Variants in OTUD3 observed in about 807,000 individuals in gnomAD.
OTUD3 encodes the protein OTU domain-containing protein 3.
Under a neutral mutation model 46.2 loss-of-function variants are expected in OTUD3, and 24 were observed. The observed-to-expected ratio is 0.52, with a 90% CI of 0.38 to 0.73. The LOEUF is 0.73. Ranked by LOEUF, OTUD3 falls within the 30% of genes least tolerant of loss-of-function variation. The pLI, the probability that OTUD3 is intolerant of heterozygous loss-of-function variation, is 0.00. For missense variants in OTUD3, 455 were observed against 523.3 expected (o/e 0.87, Z 1.27); for synonymous variants, 189 against 195.4 (o/e 0.97, Z 0.27).
At chr1:19,901,223 T>A (rs1205894459) in intron 4 of OTUD3, among the ~76,000 whole-genome samples, 2 of 152,204 alleles carry the variant, frequency 1.3e-5, no homozygotes, top group African/African-American at 4.8e-5. Context: ...TTGAGTTTTT[T>A]AAAATTGGAA....
At chr1:19,895,984 T>G (rs1226325514) in intron 3 of OTUD3, among the ~76,000 whole-genome samples, 1 of 152,206 alleles carries the variant, frequency 6.6e-6, no homozygotes, top group African/African-American at 2.4e-5. Flanking sequence ...AGGTAAATTT[T>G]TTTTTGAATT....
intron 2 of OTUD3, among the ~76,000 whole-genome samples, chr1:19,892,557 A>G (rs1247538415): frequency 6.6e-6 from 1 of 152,174 alleles, no homozygotes; most frequent in Non-Finnish European, 1.5e-5. Context: ...GCTTCAGAGA[A>G]TCAGCAACAT....
chr1:19,893,615 A>G (rs576201509), intron 2 of OTUD3, among the ~76,000 whole-genome samples: 1 of 152,292 alleles, frequency 6.6e-6, no homozygotes, highest in Admixed American at 6.5e-5. Context: ...TCACCACCAC[A>G]AAGGTCTGAT....
In OTUD3 at chr1:19,908,179, TTTCA is replaced by T. The variant is rs2045689026; in HGVS notation, c.*437_*440del. ...GAATGACAAGTTTCCTTAGTTTCTC[TTTCA>T]TTCTCAAACAGATATATAGGGTAGC... On this transcript the variant is annotated 3_prime_UTR_variant, in exon 8 of 8. Coordinates refer to ENST00000375120, the MANE Select transcript of OTUD3 (RefSeq NM_015207.2). 1 of 154,422 alleles carries T rather than the reference TTTCA, an allele frequency of 6.5e-6. No homozygotes were observed. Among genetic ancestry groups the T allele is most frequent in the Non-Finnish European group, 1.4e-5 (1 of 69,460 alleles). The allele number at this position is 154,422 out of a possible 1,614,324, so 9.6% of individuals were successfully genotyped here.
At position 19,892,523 on chromosome 1, in the gene OTUD3, A is replaced by T. The variant is rs529952123; in HGVS notation, c.371-1845A>T. 2.0e-4 allele frequency among the ~76,000 whole-genome samples: 31 copies of T among 152,172 alleles called. No homozygotes were observed. The South Asian group carries it at 6.0e-3, about 30-fold the overall frequency. On this transcript the variant is annotated intron_variant, in intron 2 of 7. Transcript: ENST00000375120. ...CCTTGCATCTGGCTGTATCTTTAGG[A>T]TTATTCTTTTCTTTTAGACTGTGGC...
At chr1:19,898,655 G>C (rs909007571) in intron 4 of OTUD3, among the ~76,000 whole-genome samples, 5 of 151,478 alleles carry the variant, frequency 3.3e-5, no homozygotes, top group African/African-American at 4.9e-5. Context: ...TTGTACCTGG[G>C]AGGTGGAGGT....
chr1:19,899,904 C>T (rs1438439441), intron 4 of OTUD3, among the ~76,000 whole-genome samples: 5 of 151,156 alleles, frequency 3.3e-5, no homozygotes, highest in Non-Finnish European at 4.4e-5. Context: ...TTTTCTTTCT[C>T]CATTTTTTTC....
chr1:19,898,474 A>T (rs1225735645), intron 4 of OTUD3, among the ~76,000 whole-genome samples: 1 of 151,834 alleles, frequency 6.6e-6, no homozygotes, highest in Non-Finnish European at 1.5e-5. Context: ...CACACCTGTA[A>T]TCCCAGCACT....
At chr1:19,897,737 A>G (rs1370757696) in intron 4 of OTUD3, 75 bp downstream of exon 4, 17 of 1,404,368 alleles carry the variant, frequency 1.2e-5, no homozygotes, top group Non-Finnish European at 1.6e-5. Context: ...ATCTGGCGCT[A>G]AAAACCAGTA....
chr1:19,890,300 TG>T, intron 1 of OTUD3, 84 bp from the exon 2 acceptor site: 1 of 1,331,070 alleles, frequency 7.5e-7, no homozygotes, highest in Non-Finnish European at 1.1e-6. Flanking sequence ...AATATTTCCA[TG>T]GATGATCTGG....
Position 19,882,457 on chromosome 1 carries a change from G to A in OTUD3, c.-57G>A. ...TTTTACCTTCCCAACGCTTGAGGCG[G>A]ACGCTGGGGGGTCCTGCGCCTTTCC... On this transcript the variant is annotated 5_prime_UTR_variant, in exon 1 of 8. Coordinates refer to ENST00000375120, the MANE Select transcript of OTUD3 (RefSeq NM_015207.2). The A allele has an allele frequency of 7.6e-7, 1 of 1,323,492 alleles. No homozygotes were observed. Among genetic ancestry groups the A allele is most frequent in the Non-Finnish European group, 9.6e-7 (1 of 1,042,000 alleles). 82.0% of individuals were successfully genotyped at this position (1,323,492 alleles called of 1,614,324 possible).
At chr1:19,895,531 C>T (rs1451600449) in intron 3 of OTUD3, among the ~76,000 whole-genome samples, 1 of 152,148 alleles carries the variant, frequency 6.6e-6, no homozygotes, top group Non-Finnish European at 1.5e-5. Flanking sequence ...AAGAATGCAG[C>T]CTTTTGTCCC....
chr1:19,897,411 A>C, intron 3 of OTUD3, 129 bp from the exon 4 acceptor site: 1 of 797,550 alleles, frequency 1.3e-6, no homozygotes, highest in Non-Finnish European at 2.0e-6. Flanking sequence ...GACATATCCC[A>C]GGTGTGTTCC....
intron 4 of OTUD3, among the ~76,000 whole-genome samples, chr1:19,903,971 C>CT (rs1253417498): frequency 5.3e-5 from 8 of 152,198 alleles, no homozygotes; most frequent in Non-Finnish European, 4.4e-5. Flanking sequence ...TGACTGTGTG[C>CT]TGTCAGAGGC....
At chr1:19,903,892 A>G (rs1262703542) in intron 4 of OTUD3, among the ~76,000 whole-genome samples, 1 of 152,232 alleles carries the variant, frequency 6.6e-6, no homozygotes, top group Non-Finnish European at 1.5e-5. Context: ...TTTTTGTGCA[A>G]AAGTTCACCA....
chr1:19,900,232 C>T (rs2045567969), intron 4 of OTUD3, among the ~76,000 whole-genome samples: 1 of 152,038 alleles, frequency 6.6e-6, no homozygotes, highest in Non-Finnish European at 1.5e-5. Flanking sequence ...GAGACTGGGT[C>T]TCACTCTGTC....
intron 4 of OTUD3, among the ~76,000 whole-genome samples, chr1:19,899,029 T>A (rs1266592600): frequency 1.3e-5 from 2 of 152,156 alleles, no homozygotes; most frequent in African/African-American, 4.8e-5. Context: ...CAGGCTGCCC[T>A]CCAGCTCCTG....
At chr1:19,888,619 A>G (rs1279893840) in intron 1 of OTUD3, among the ~76,000 whole-genome samples, 3 of 152,174 alleles carry the variant, frequency 2.0e-5, no homozygotes, top group South Asian at 2.1e-4. Flanking sequence ...GAGCCACGTT[A>G]TTTGGACTTG....
chr1:19,886,609 T>A (rs1191536718), intron 1 of OTUD3, among the ~76,000 whole-genome samples: 2 of 152,166 alleles, frequency 1.3e-5, no homozygotes, highest in Non-Finnish European at 2.9e-5. Context: ...TTATTGATGT[T>A]TTTTAAAAAA....
Sources: gnomAD v4.1 joint callset for allele counts (sites outside exome capture counted in the v4.1 genomes callset) on GRCh38, gnomAD v4.1.1 for gene constraint, MANE v1.5 for transcripts, NCBI Gene and HGNC (gene_info 2026-07-23, HGNC 2026-07-21) for gene names.